KDM5B: variants seen among roughly 807,000 people sequenced by gnomAD.
KDM5B encodes the protein lysine demethylase 5B.
In KDM5B, 144 loss-of-function variants were observed where a neutral mutation model predicts 193.4. The observed-to-expected ratio is 0.74, with a 90% CI of 0.65 to 0.86. KDM5B has a LOEUF of 0.86. Among genes scored for constraint, KDM5B ranks in the 40% least tolerant of loss-of-function variants. The pLI is 0.00. For synonymous variants in KDM5B, 668 were observed against 682.6 expected (o/e 0.98, Z 0.33); for missense variants, 1,833 against 1,886.9 (o/e 0.97, Z 0.53).
chr1:202,756,530 G>A lies in KDM5B; in HGVS notation c.1198-14C>T, dbSNP rs1191240478. The A allele has an allele frequency of 4.5e-6, 7 of 1,555,214 alleles. No homozygotes were observed. In the Admixed American group the frequency reaches 8.1e-5, roughly 18 times the overall value. ...TGTGGGGACCATCTGGAAATACAAG[G>A]AATAGAAAAAATGAGTTTCCTCACA... On this transcript the variant is annotated splice_polypyrimidine_tract_variant and intron_variant, in intron 9 of 26. Coordinates refer to ENST00000367265, the MANE Select transcript of KDM5B (RefSeq NM_006618.5).
Position 202,742,749 on chromosome 1 carries a change from T to C in KDM5B, c.2380A>G (p.Asn794Asp). 1 of 1,614,216 alleles carries C rather than the reference T, an allele frequency of 6.2e-7. No individual in the cohort carries two copies. The highest frequency in any genetic ancestry group is 8.5e-7 in the Non-Finnish European group (1 of 1,180,016). Residue 794 changes from asparagine to aspartate, a missense_variant, in exon 17 of 27, where the codon AAT becomes GAT. Asn to Asp is a conservative substitution (Grantham distance 23). Around this residue, in one of 3 missense-constraint regions of KDM5B, gnomAD observed 1,379 missense variants for 1,349.6 expected, o/e 1.02. Coordinates refer to ENST00000367265, the MANE Select transcript of KDM5B (RefSeq NM_006618.5). Reference protein sequence around the residue: ...EESEMKKFPDNDLLRHLRLVT... With the variant: ...EESEMKKFPDDDLLRHLRLVT... The stretch of plus-strand genomic sequence containing the variant: ...AGGCGAAGGTGTCGCAAAAGATCAT[T>C]GTCTGGGAATTTCTTCATTTCAGAT...
In KDM5B at chr1:202,742,473, T is replaced by A. The variant is rs762729826; in HGVS notation, c.2507A>T (p.Gln836Leu). The A allele has an allele frequency of 3.1e-6, 5 of 1,613,982 alleles. No individual in the cohort carries two copies. Residue 836 changes from glutamine to leucine, a missense_variant, in exon 18 of 27, where the codon CAG becomes CTG. Physicochemically the swap from Gln to Leu is moderately radical, Grantham distance 113. Coordinates refer to ENST00000367265, the MANE Select transcript of KDM5B (RefSeq NM_006618.5). ...CTGCCGGAGCTCATTCACTGTCAACTGATTTTGGGATTTCCCTCCACCAGA... is the reference window on the plus strand; with the variant it reads ...CTGCCGGAGCTCATTCACTGTCAACAGATTTTGGGATTTCCCTCCACCAGA... ...YRSGGGKSQN[Q>L]LTVNELRQFV...
Position 202,731,884 on chromosome 1 carries a change from C to G in KDM5B, c.3965G>C (p.Arg1322Thr). 6.2e-7 allele frequency: 1 copy of G among 1,613,664 alleles called. No homozygotes were observed. Among genetic ancestry groups the G allele is most frequent in the East Asian group, 2.2e-5 (1 of 44,868 alleles). The change falls in exon 24 of 27, where the codon AGA becomes ACA. Residue 1322 changes from arginine to threonine, a missense_variant. Physicochemically the swap from Arg to Thr is moderately conservative, Grantham distance 71. Transcript: ENST00000367265. ...GAAGGGGGAGTGCAAATATGAGGTT[C>G]TGTTGTCCCAGTCATCAGGCAAAGA... Reference protein sequence around the residue: ...SFSLPDDWDNRTSYLHSPFST... With the variant: ...SFSLPDDWDNTTSYLHSPFST...
intron 12 of KDM5B, among the ~76,000 whole-genome samples, chr1:202,751,636 G>T (rs1466730698): frequency 6.6e-6 from 1 of 152,130 alleles, no homozygotes; most frequent in Non-Finnish European, 1.5e-5. Context: ...AGCCCTTTCT[G>T]ATTCTCAATA....
chr1:202,767,518 G>C (rs1190435785), intron 4 of KDM5B: 1 of 682,914 alleles, frequency 1.5e-6, no homozygotes, highest in Admixed American at 2.7e-5. Context: ...GTTCCCCGGT[G>C]TGCAAGGACT....
At chr1:202,785,909 TAAAAA>T (rs535467100) in intron 1 of KDM5B, among the ~76,000 whole-genome samples, 2 of 134,154 alleles carry the variant, frequency 1.5e-5, no homozygotes, top group Non-Finnish European at 3.2e-5. Flanking sequence ...GACTCCCAAT[TAAAAA>T]AAAAAAAAAA....
At position 202,748,945 on chromosome 1, in the gene KDM5B, C is replaced by A. The variant is rs1553353254; in HGVS notation, c.2016G>T (p.Leu672Phe). The change falls in exon 14 of 27, where the codon TTG (leucine) becomes TTT (phenylalanine). Residue 672 changes from leucine to phenylalanine, a missense_variant and splice_region_variant. Transcript: ENST00000367265. ...GCAGTTGGATTTCCATAAGCCTTAC[C>A]AATTTACGGACAGTTTCTCTTAAAG... Reference protein sequence around the residue: ...EKALRETVRKLGVIDSERMDF... With the variant: ...EKALRETVRKFGVIDSERMDF... The A allele has an allele frequency of 6.8e-6, 11 of 1,607,000 alleles. 1 individual carries two copies. In the South Asian group the frequency reaches 1.1e-4, roughly 16 times the overall value.
chr1:202,743,563 C>T (rs998780409), intron 16 of KDM5B, among the ~76,000 whole-genome samples: 7 of 151,960 alleles, frequency 4.6e-5, no homozygotes, highest in African/African-American at 4.8e-5. Context: ...TAAATAAAAG[C>T]GGGTGGAGTT....
chr1:202,747,012 T>C (rs796261925), intron 14 of KDM5B, among the ~76,000 whole-genome samples: 17 of 152,318 alleles, frequency 1.1e-4, no homozygotes, highest in African/African-American at 4.1e-4. Flanking sequence ...ACACCTTTTG[T>C]CATTTAAAGA....
rs1355879206 is a variant in KDM5B at position 202,755,424 on chromosome 1, T to C, written c.1385A>G (p.Asn462Ser). 1 of 1,613,740 alleles carries C rather than the reference T, an allele frequency of 6.2e-7. No homozygotes were observed. Among genetic ancestry groups the C allele is most frequent in the Non-Finnish European group, 8.5e-7 (1 of 1,179,776 alleles). Residue 462 changes from asparagine to serine, a missense_variant, in exon 11 of 27, where the codon AAC becomes AGC. Transcript: ENST00000367265. The stretch of plus-strand genomic sequence containing the variant: ...AGACTGCTCCATCACTGGCATGTTG[T>C]TCAAATTCCAGCCACTATCAAGATA... ...EEYLDSGWNL[N>S]NMPVMEQSVL...
chr1:202,783,609 G>T lies in KDM5B; in HGVS notation c.205-6515C>A, dbSNP rs566882616. On this transcript the variant is annotated intron_variant, in intron 1 of 26. Coordinates refer to ENST00000367265, the MANE Select transcript of KDM5B (RefSeq NM_006618.5). ...TTTAAAAGTTCAGGCCGGGTGCAGT[G>T]GCTCACGCCTGTAATCCCAGCACTT... Among the ~76,000 whole-genome samples, 212 of 152,360 alleles carry T rather than the reference G, an allele frequency of 1.4e-3. 2 individuals carry two copies. The highest frequency in any genetic ancestry group is 6.8e-3 in the South Asian group (33 of 4,832).
At chr1:202,785,515 G>A (rs1163983154) in intron 1 of KDM5B, among the ~76,000 whole-genome samples, 4 of 152,116 alleles carry the variant, frequency 2.6e-5, no homozygotes, top group African/African-American at 9.7e-5. Context: ...TAAGTTCCTT[G>A]TACCTTACGT....
At position 202,764,026 on chromosome 1, in the gene KDM5B, TATTC is replaced by T. The variant is rs755994949; in HGVS notation, c.808+19_808+22del. The T allele has an allele frequency of 4.1e-6, 5 of 1,214,240 alleles. No individual in the cohort carries two copies. In the East Asian group the frequency reaches 7.1e-5, roughly 17 times the overall value. The allele number at this position is 1,214,240 out of a possible 1,614,324, so 75.2% of individuals were successfully genotyped here. On this transcript the variant is annotated intron_variant, in intron 6 of 26. Transcript: ENST00000367265. ...TTTACTTTATTTACTTTTTCTTTCC[TATTC>T]ATTGACAAATTTTCTTACCATTTTC...
At chr1:202,800,958 T>C (rs1658048406) in intron 1 of KDM5B, among the ~76,000 whole-genome samples, 1 of 152,128 alleles carries the variant, frequency 6.6e-6, no homozygotes, top group Admixed American at 6.5e-5. Context: ...TTGGGCAAAA[T>C]GACCATCACT....
At chr1:202,791,551 C>T (rs949497626) in intron 1 of KDM5B, among the ~76,000 whole-genome samples, 45 of 152,070 alleles carry the variant, frequency 3.0e-4, no homozygotes, top group East Asian at 3.9e-4. Context: ...TATTTCCTCA[C>T]GCAACCCTAC....
rs777585357 is a variant in KDM5B, at chr1:202,729,726, A to C, written c.4478T>G (p.Leu1493Arg). 6.2e-7 allele frequency: 1 copy of C among 1,613,636 alleles called. No individual in the cohort carries two copies. Among genetic ancestry groups the C allele is most frequent in the Admixed American group, 1.7e-5 (1 of 60,008 alleles). The change falls in exon 26 of 27, where the codon CTG becomes CGG. Residue 1493 changes from leucine to arginine, a missense_variant. Physicochemically the swap from Leu to Arg is moderately radical, Grantham distance 102. Transcript: ENST00000367265. ...ACTGACCTCATCTCCTTCTGGCTGC[A>C]GGCAGCTCACAGCTGGGCAGATGGC... is the stretch of plus-strand genomic sequence containing the variant. ...EDAICPAVSCLQPEGDEVDWV... is the reference protein window; with the variant it reads ...EDAICPAVSCRQPEGDEVDWV...
chr1:202,760,139 C>T (rs530252942), intron 8 of KDM5B, among the ~76,000 whole-genome samples: 94 of 152,144 alleles, frequency 6.2e-4, no homozygotes, highest in African/African-American at 2.2e-3. Flanking sequence ...CATGGTGAAA[C>T]CCCCTCTGTA....
intron 20 of KDM5B, among the ~76,000 whole-genome samples, chr1:202,740,403 G>C (rs1337769464): frequency 7.9e-6 from 1 of 125,818 alleles, no homozygotes; most frequent in Non-Finnish European, 1.8e-5. Context: ...CGGCCGGGTG[G>C]GGGTCTGACC....
At chr1:202,744,578 C>CA (rs1189344125) in intron 16 of KDM5B, among the ~76,000 whole-genome samples, 10 of 151,660 alleles carry the variant, frequency 6.6e-5, no homozygotes, top group Non-Finnish European at 1.3e-4. Context: ...CAAAAACAAA[C>CA]AAAAAAAACA....
Sources: gnomAD v4.1 joint callset for allele counts (sites outside exome capture counted in the v4.1 genomes callset) on GRCh38, gnomAD v4.1.1 for gene constraint, gnomAD v4.1.1 regional missense constraint, MANE v1.5 for transcripts, NCBI Gene and HGNC (gene_info 2026-07-23, HGNC 2026-07-21) for gene names.